Variants in MAP7D2 observed in about 807,000 individuals in gnomAD.
The protein encoded by MAP7D2 is MAP7 domain containing 2, also known as MAP7 domain-containing protein 2.
A neutral mutation model predicts 63.5 loss-of-function variants in MAP7D2; 33 were observed. The ratio of observed to expected loss-of-function variants is 0.52; its 90% CI spans 0.39 to 0.70. The LOEUF (loss-of-function observed/expected upper bound fraction) is 0.70, where lower values mean the gene tolerates loss of function less well. Ranked by LOEUF, MAP7D2 falls within the 30% of genes least tolerant of loss-of-function variation. MAP7D2 has a pLI of 0.00. For missense variants in MAP7D2, 626 were observed against 604.0 expected, an observed-to-expected ratio of 1.04 and a Z score of -0.38; for synonymous variants, 224 against 223.7, an observed-to-expected ratio of 1.00 and a Z score of -0.01.
Position 20,098,379 on chromosome X carries a change from CAGTT to C in MAP7D2, c.130+18367_130+18370del, listed in dbSNP as rs757380925. On this transcript the variant is annotated intron_variant, in intron 1 of 16. Transcript: ENST00000379643. The stretch of plus-strand genomic sequence containing the variant: ...GCTCACTATGGACAATTTGTGCAAA[CAGTT>C]AGAGAAGAGAGACACCAATGTCACA... Among the ~76,000 whole-genome samples, 27 of 112,365 alleles carry C rather than the reference CAGTT, an allele frequency of 2.4e-4. No individual in the cohort carries two copies. In the South Asian group the frequency reaches 6.3e-3, roughly 26 times the overall value.
chrX:20,067,462 T>G (rs910926633), intron 1 of MAP7D2, among the ~76,000 whole-genome samples: 31 of 110,903 alleles, frequency 2.8e-4, no homozygotes, highest in African/African-American at 9.2e-4. Context: ...ATCATCATAA[T>G]AAGAGGTAAT....
chrX:20,112,805 A>C (rs2066782753), intron 1 of MAP7D2, among the ~76,000 whole-genome samples: 1 of 111,436 alleles, frequency 9.0e-6, no homozygotes, highest in African/African-American at 3.3e-5. Flanking sequence ...AAATCCTCTC[A>C]ACAAGACCCA....
At chrX:20,092,019 T>C (rs1187056278) in intron 1 of MAP7D2, among the ~76,000 whole-genome samples, 1 of 112,100 alleles carries the variant, frequency 8.9e-6, no homozygotes. Context: ...TGAGGGTATC[T>C]ACAGTTAACA....
chrX:20,042,602 T>A lies in MAP7D2; in HGVS notation c.907A>T (p.Thr303Ser). 1 of 1,211,759 alleles carries A rather than the reference T, an allele frequency of 8.3e-7. No individual in the cohort carries two copies. Among genetic ancestry groups the A allele is most frequent in the Non-Finnish European group, 1.1e-6 (1 of 895,435 alleles). ...TTCACAACAGGAAGAGAAGTTGCTG[T>A]TCGTTGCCCCCGCTTCACCTTCTCC... is the stretch of plus-strand genomic sequence containing the variant. ...LVEKVKRGQR[T>S]ATSLPVVNFG... Residue 303 changes from threonine to serine, a missense_variant, in exon 8 of 17, where the codon ACA becomes TCA. Transcript: ENST00000379643.
At chrX:20,061,118 CAAAAAAAAAAAAAA>C (rs780468494) in intron 3 of MAP7D2, among the ~76,000 whole-genome samples, 3 of 34,878 alleles carry the variant, frequency 8.6e-5, no homozygotes, top group Non-Finnish European at 1.6e-4. Flanking sequence ...AGAACATGAC[CAAAAAAAAAAAAAA>C]AAAAAAAAAG....
intron 1 of MAP7D2, among the ~76,000 whole-genome samples, chrX:20,097,162 G>T (rs1040009043): frequency 6.2e-5 from 7 of 112,089 alleles, no homozygotes; most frequent in African/African-American, 2.3e-4. Flanking sequence ...GTGGCTTAGT[G>T]CAATCAAGAA....
chrX:20,023,187 A>G (rs1457672722), intron 10 of MAP7D2, among the ~76,000 whole-genome samples: 1 of 112,803 alleles, frequency 8.9e-6, no homozygotes, highest in East Asian at 2.8e-4. Flanking sequence ...ACAAAGGGAA[A>G]ATGAAGGTGG....
intron 1 of MAP7D2, among the ~76,000 whole-genome samples, chrX:20,091,251 C>T (rs1426779927): frequency 1.9e-5 from 2 of 107,073 alleles, no homozygotes; most frequent in Non-Finnish European, 3.9e-5. Flanking sequence ...TGGGGTTTCA[C>T]CATGTTGGCC....
At chrX:20,101,792 CAA>C (rs2066443452) in intron 1 of MAP7D2, among the ~76,000 whole-genome samples, 1 of 111,925 alleles carries the variant, frequency 8.9e-6, no homozygotes, top group Non-Finnish European at 1.9e-5. Flanking sequence ...GAAAAGAAAA[CAA>C]AAAGAGACAC....
intron 1 of MAP7D2, among the ~76,000 whole-genome samples, chrX:20,110,700 G>C (rs892405385): frequency 9.3e-6 from 1 of 108,067 alleles, no homozygotes; most frequent in African/African-American, 3.4e-5. Flanking sequence ...GGGAGGATGT[G>C]CATAGGTTAC....
At chrX:20,082,144 C>T (rs1344123939) in intron 1 of MAP7D2, among the ~76,000 whole-genome samples, 1 of 112,032 alleles carries the variant, frequency 8.9e-6, no homozygotes, top group Non-Finnish European at 1.9e-5. Flanking sequence ...GTGCTTAGGC[C>T]TGCTCCTACC....
rs1426371269 is a variant in MAP7D2 at position 20,109,667 on chromosome X, T to C, written c.130+7083A>G. 1.8e-5 allele frequency among the ~76,000 whole-genome samples: 2 copies of C among 111,257 alleles called. 1 individual carries two copies. Among genetic ancestry groups the C allele is most frequent in the African/African-American group, 6.5e-5 (2 of 30,541 alleles). On this transcript the variant is annotated intron_variant, in intron 1 of 16. Transcript: ENST00000379643. ...AATCTCTCACCTCTCGCTGAATACA[T>C]AACCTTTCTTAATTAAAACATATAA...
rs759171232 is a variant in MAP7D2, at chrX:20,053,642, C to T, written c.485-654G>A. Among the ~76,000 whole-genome samples the T allele has an allele frequency of 9.9e-5, 11 of 111,533 alleles. No individual in the cohort carries two copies. The East Asian group carries it at 1.1e-3, about 11-fold the overall frequency. On this transcript the variant is annotated intron_variant, in intron 4 of 16. Transcript: ENST00000379643. ...CTTACGTTCCAGTCATTATTTCAGA[C>T]GGCAAACAAAGAGATGCTGACAGTG...
chrX:20,030,649 T>C (rs2074017784), intron 8 of MAP7D2, among the ~76,000 whole-genome samples: 1 of 111,545 alleles, frequency 9.0e-6, no homozygotes, highest in African/African-American at 3.3e-5. Flanking sequence ...CTTGACTCCA[T>C]GCACAGTGAG....
At chrX:20,059,672 GAAGA>G (rs1254386113) in intron 3 of MAP7D2, among the ~76,000 whole-genome samples, 1 of 104,955 alleles carries the variant, frequency 9.5e-6, no homozygotes, top group Non-Finnish European at 2.0e-5. Flanking sequence ...AGATAGGAAG[GAAGA>G]AAGACAGGAA....
At chrX:20,115,108 G>A (rs771496236) in intron 1 of MAP7D2, among the ~76,000 whole-genome samples, 1 of 110,313 alleles carries the variant, frequency 9.1e-6, no homozygotes, top group African/African-American at 3.3e-5. Flanking sequence ...TTCAAATGAA[G>A]GAAGATATCC....
At chrX:20,008,662 C>T (rs1000620935) in intron 16 of MAP7D2, among the ~76,000 whole-genome samples, 2 of 111,960 alleles carry the variant, frequency 1.8e-5, no homozygotes, top group Non-Finnish European at 3.8e-5. Context: ...ATGTCTCAAG[C>T]TTTGTCTTTC....
At chrX:20,028,682 A>G (rs1213589204) in intron 8 of MAP7D2, among the ~76,000 whole-genome samples, 1 of 111,862 alleles carries the variant, frequency 8.9e-6, no homozygotes, top group African/African-American at 3.3e-5. Flanking sequence ...CCGCCACCCA[A>G]CCACCACGAG....
At chrX:20,088,225 T>A (rs1200780578) in intron 1 of MAP7D2, among the ~76,000 whole-genome samples, 1 of 109,292 alleles carries the variant, frequency 9.1e-6, no homozygotes, top group Non-Finnish European at 1.9e-5. Context: ...ATTTTTGGGG[T>A]TACTTGCTGA....
Sources: gnomAD v4.1 joint callset for allele counts (sites outside exome capture counted in the v4.1 genomes callset) on GRCh38, gnomAD v4.1.1 for gene constraint, MANE v1.5 for transcripts, NCBI Gene and HGNC (gene_info 2026-07-23, HGNC 2026-07-21) for gene names.